The following CFAP92 variants were observed in gnomAD, a reference collection of about 807,000 sequenced individuals.
CFAP92 encodes the protein cilia and flagella associated protein 92 (putative).
A neutral mutation model predicts 106.3 loss-of-function variants in CFAP92; 86 were observed. The observed-to-expected ratio is 0.81, with a 90% CI of 0.68 to 0.97. The LOEUF (loss-of-function observed/expected upper bound fraction) is 0.97, where lower values mean the gene tolerates loss of function less well. CFAP92 is among the 50% of genes least tolerant of loss of function. The pLI is 0.00. For missense variants in CFAP92, 1,204 were observed against 1,283.8 expected (o/e 0.94, Z 0.95); for synonymous variants, 477 against 506.4 (o/e 0.94, Z 0.78).
chr3:128,993,799 A>G, intron 1 of CFAP92, 181 bp downstream of exon 1: 1 of 412,150 alleles, frequency 2.4e-6, no homozygotes, highest in Non-Finnish European at 3.6e-6. Context: ...CCTGTCCCCA[A>G]GACAGAACAT....
Position 128,977,355 on chromosome 3 carries a change from A to G in CFAP92, c.809-289T>C, listed in dbSNP as rs544696589. Among the ~76,000 whole-genome samples, 8 of 152,308 alleles carry G rather than the reference A, an allele frequency of 5.3e-5. No individual in the cohort carries two copies. In the East Asian group the frequency reaches 1.4e-3, roughly 26 times the overall value. ...AATTGTCCATTTCAGTCCTGTTTAC[A>G]TTAGAGAATAATGAAAACAGTCCTA... On this transcript the variant is annotated intron_variant, in intron 5 of 15. Coordinates refer to ENST00000645291, the MANE Select transcript of CFAP92 (RefSeq NM_001394090.1).
intron 4 of CFAP92, among the ~76,000 whole-genome samples, chr3:128,984,438 T>A (rs1943723209): frequency 6.6e-6 from 1 of 152,166 alleles, no homozygotes; most frequent in South Asian, 2.1e-4. Flanking sequence ...CCTTCATCTT[T>A]CTCCCATGCT....
chr3:128,929,274 T>C (rs6767104), intron 12 of CFAP92, among the ~76,000 whole-genome samples: 2 of 151,962 alleles, frequency 1.3e-5, no homozygotes, highest in African/African-American at 4.8e-5. Flanking sequence ...AGTGTTTGTA[T>C]GAATGCAGAG....
intron 15 of CFAP92, chr3:128,913,209 C>T (rs16852231): frequency 0.04 from 15,037 of 376,610 alleles, 1,151 homozygotes; most frequent in African/African-American, 0.21. Flanking sequence ...GGCCTCGGGT[C>T]CCCTTTGTCC....
intron 12 of CFAP92, among the ~76,000 whole-genome samples, chr3:128,922,934 C>T (rs963202045): frequency 1.3e-5 from 2 of 152,300 alleles, no homozygotes; most frequent in South Asian, 2.1e-4. Flanking sequence ...GGATAAGCTT[C>T]GATTTGCTCT....
chr3:128,973,856 CTG>C (rs1942980265), intron 7 of CFAP92, among the ~76,000 whole-genome samples: 1 of 152,162 alleles, frequency 6.6e-6, no homozygotes, highest in Non-Finnish European at 1.5e-5. Flanking sequence ...GGCACGGGGA[CTG>C]TGTGCATGCA....
intron 15 of CFAP92, chr3:128,912,648 ATGGCCCGTTGCTGGATGAC>A: frequency 6.6e-7 from 1 of 1,512,272 alleles, no homozygotes. Context: ...GCCCCTACCC[ATGGCCCGTTGCTGGATGAC>A]TGTTACTCTT....
upstream of CFAP92, among the ~76,000 whole-genome samples, chr3:128,995,860 C>G (rs995836907): frequency 3.9e-5 from 6 of 152,248 alleles, no homozygotes; most frequent in African/African-American, 1.4e-4. Context: ...TTTCCAAAGA[C>G]AGCCACCTCA....
Position 128,941,860 on chromosome 3 carries a change from C to G in CFAP92, c.2258+3211G>C, listed in dbSNP as rs138932169. Among the ~76,000 whole-genome samples the G allele has an allele frequency of 5.9e-3, 894 of 152,200 alleles. 2 individuals are homozygous for G. Among genetic ancestry groups the G allele is most frequent in the Non-Finnish European group, 9.7e-3 (657 of 68,014 alleles). On this transcript the variant is annotated intron_variant, in intron 10 of 15. Transcript: ENST00000645291. ...ATTTCCATTATGATTTCTTTTTGAC[C>G]CACAAGTTATTTGGAAGTATGGTTA...
At chr3:129,018,643 C>T in the CFAP92 span, among the ~76,000 whole-genome samples, 1 of 152,160 alleles carries the variant, frequency 6.6e-6, no homozygotes. Flanking sequence ...CAATTCCAAC[C>T]TTGGGATTCC....
rs1256442805 is a variant in CFAP92 at position 128,911,868 on chromosome 3, A to AG, written c.3281-1536dup. 1.8e-4 allele frequency among the ~76,000 whole-genome samples: 27 copies of AG among 152,356 alleles called. No homozygotes were observed. In the East Asian group the frequency reaches 5.2e-3, roughly 29 times the overall value. On this transcript the variant is annotated intron_variant, in intron 15 of 15. Coordinates refer to ENST00000645291, the MANE Select transcript of CFAP92 (RefSeq NM_001394090.1). ...TGTACTCCATCCAAAATGACCCTGCAGTGCCCTGCAGAGGTCTCAGGCCTT... is the reference window on the plus strand; with the variant it reads ...TGTACTCCATCCAAAATGACCCTGCAGGTGCCCTGCAGAGGTCTCAGGCCTT...
chr3:128,931,491 A>G (rs1938373180), intron 12 of CFAP92, among the ~76,000 whole-genome samples: 1 of 136,436 alleles, frequency 7.3e-6, no homozygotes, highest in African/African-American at 3.0e-5. Context: ...ATATGTATGT[A>G]TGTATATGTA....
At chr3:128,972,984 T>C (rs1006646309) in intron 7 of CFAP92, among the ~76,000 whole-genome samples, 1 of 152,070 alleles carries the variant, frequency 6.6e-6, no homozygotes, top group African/African-American at 2.4e-5. Context: ...TGCACCAGCA[T>C]ACCCAGCTGA....
chr3:128,919,761 T>C (rs1361706488), intron 12 of CFAP92, among the ~76,000 whole-genome samples: 1 of 152,212 alleles, frequency 6.6e-6, no homozygotes, highest in Non-Finnish European at 1.5e-5. Context: ...AGGAGGTATT[T>C]TGGAAAATGC....
chr3:128,920,628 A>G (rs553996127), intron 12 of CFAP92, among the ~76,000 whole-genome samples: 1 of 152,254 alleles, frequency 6.6e-6, no homozygotes, highest in Non-Finnish European at 1.5e-5. Context: ...TGTCTGACGT[A>G]ACGTAAAAGA....
intron 15 of CFAP92, chr3:128,912,823 T>C: frequency 1.4e-6 from 1 of 705,720 alleles, no homozygotes; most frequent in South Asian, 1.4e-5. Context: ...GCTTCTGAAC[T>C]GAGCCGGAGA....
intron 7 of CFAP92, among the ~76,000 whole-genome samples, chr3:128,974,988 C>T (rs534291266): frequency 1.3e-5 from 2 of 150,342 alleles, no homozygotes; most frequent in African/African-American, 4.9e-5. Flanking sequence ...GGCGTGGTGG[C>T]GGGCGCCTGT....
At chr3:128,989,138 G>A (rs985355246) in intron 2 of CFAP92, among the ~76,000 whole-genome samples, 5 of 152,112 alleles carry the variant, frequency 3.3e-5, no homozygotes, top group Non-Finnish European at 7.4e-5. Flanking sequence ...TTTTCAGAGT[G>A]AGTGTCTCAG....
At chr3:128,948,980 C>T (rs549327360) in intron 9 of CFAP92, among the ~76,000 whole-genome samples, 8 of 152,242 alleles carry the variant, frequency 5.3e-5, no homozygotes, top group Admixed American at 3.3e-4. Flanking sequence ...CATCATTATC[C>T]GTCAGGGAAC....
Sources: gnomAD v4.1 joint callset for allele counts (sites outside exome capture counted in the v4.1 genomes callset) on GRCh38, gnomAD v4.1.1 for gene constraint, MANE v1.5 for transcripts, NCBI Gene and HGNC (gene_info 2026-07-23, HGNC 2026-07-21) for gene names.